Variants in PTPRT observed in about 807,000 individuals in gnomAD.
PTPRT encodes receptor-type tyrosine-protein phosphatase T.
In PTPRT, 56 loss-of-function variants were observed where a neutral mutation model predicts 176.8. The ratio of observed to expected loss-of-function variants is 0.32; its 90% CI spans 0.26 to 0.40. The LOEUF (loss-of-function observed/expected upper bound fraction) is 0.40. PTPRT is among the 10% of genes least tolerant of loss of function. The probability of loss-of-function intolerance (pLI) is 1.00; values close to 1 mark genes in which losing one functional copy is unlikely to be tolerated. For missense variants in PTPRT, 1,540 were observed against 1,908.2 expected (o/e 0.81, Z 3.60); for synonymous variants, 783 against 739.0 (o/e 1.06, Z -0.96).
chr20:42,331,146 C>G (rs112511343), intron 11 of PTPRT, among the ~76,000 whole-genome samples: 17 of 151,904 alleles, frequency 1.1e-4, no homozygotes, highest in African/African-American at 3.9e-4. Flanking sequence ...AAGCAACCCC[C>G]TTTATACTCC....
At chr20:42,481,682 C>T (rs79093846) in intron 7 of PTPRT, among the ~76,000 whole-genome samples, 3,543 of 151,398 alleles carry the variant, frequency 0.023, 49 homozygotes, top group Non-Finnish European at 0.036. Context: ...AAGCGGGTCT[C>T]GAAATCCTGG....
At chr20:42,045,642 CAAGTGGA>C in the PTPRT span, among the ~76,000 whole-genome samples, 1 of 140,456 alleles carries the variant, frequency 7.1e-6, no homozygotes, top group Non-Finnish European at 1.6e-5. Flanking sequence ...AGTGCCTGTA[CAAGTGGA>C]AAGTCCTTTT....
chr20:42,420,772 C>A (rs2059111195), intron 9 of PTPRT, among the ~76,000 whole-genome samples: 1 of 152,208 alleles, frequency 6.6e-6, no homozygotes, highest in Non-Finnish European at 1.5e-5. Flanking sequence ...CCCCTACCAA[C>A]ATGGGTCTAG....
intron 27 of PTPRT, among the ~76,000 whole-genome samples, chr20:42,096,131 C>T (rs1041164709): frequency 1.3e-5 from 2 of 152,200 alleles, no homozygotes; most frequent in Non-Finnish European, 2.9e-5. Context: ...CTCTCACCTC[C>T]TGGCCACTTC....
At chr20:42,438,390 G>A (rs1317648164) in intron 9 of PTPRT, among the ~76,000 whole-genome samples, 3 of 152,154 alleles carry the variant, frequency 2.0e-5, no homozygotes, top group East Asian at 3.8e-4. Flanking sequence ...CTCCCCTGGT[G>A]TTACCATGGC....
chr20:42,929,322 C>A (rs1057251326), intron 1 of PTPRT, among the ~76,000 whole-genome samples: 1 of 152,106 alleles, frequency 6.6e-6, no homozygotes, highest in African/African-American at 2.4e-5. Context: ...CCAAAGAGCC[C>A]GAAGTGTGGA....
Position 42,248,740 on chromosome 20 carries a change from G to A in PTPRT, c.2259C>T (p.Gly753=). The change falls in exon 14 of 31, where the codon GGC becomes GGT. Residue 753 remains glycine, a synonymous_variant. Transcript: ENST00000373187. The part of the protein sequence containing the change: ...NTVKMAGVIA[G]LLMFIIILLG... ...GGAGAATGATGATGAACATGAGGAG[G>A]CCAGCGATCACGCCAGCCATCTTCA... The A allele has an allele frequency of 6.2e-7, 1 of 1,614,070 alleles. No homozygotes were observed. The highest frequency in any genetic ancestry group is 8.5e-7 in the Non-Finnish European group (1 of 1,179,980).
the PTPRT span, among the ~76,000 whole-genome samples, chr20:42,044,966 C>A: frequency 2.8e-4 from 43 of 152,304 alleles, 1 homozygote; most frequent in Admixed American, 1.2e-3. Context: ...CCCCTTCTGC[C>A]TTCAAAGCTA....
intron 8 of PTPRT, among the ~76,000 whole-genome samples, chr20:42,452,000 G>A (rs1281285127): frequency 1.3e-5 from 2 of 152,194 alleles, no homozygotes; most frequent in African/African-American, 4.8e-5. Flanking sequence ...GCTGGGCTTG[G>A]TGGCCCACGC....
intron 17 of PTPRT, among the ~76,000 whole-genome samples, chr20:42,146,161 A>G (rs1354028561): frequency 6.6e-6 from 1 of 152,042 alleles, no homozygotes; most frequent in African/African-American, 2.4e-5. Flanking sequence ...CCAGCCAGGT[A>G]ACTCCATCTC....
At chr20:42,599,856 A>G (rs921201107) in intron 7 of PTPRT, among the ~76,000 whole-genome samples, 1 of 152,178 alleles carries the variant, frequency 6.6e-6, no homozygotes, top group Admixed American at 6.5e-5. Context: ...CCCCTTGCAC[A>G]GCTCAGGTTC....
At chr20:42,040,062 C>A in the PTPRT span, among the ~76,000 whole-genome samples, 2 of 152,106 alleles carry the variant, frequency 1.3e-5, no homozygotes, top group Non-Finnish European at 2.9e-5. Flanking sequence ...CAACAGTGTG[C>A]AAAAGTTCCC....
intron 1 of PTPRT, among the ~76,000 whole-genome samples, chr20:42,942,933 C>T (rs1980659897): frequency 6.6e-6 from 1 of 152,174 alleles, no homozygotes; most frequent in Non-Finnish European, 1.5e-5. Flanking sequence ...TAAAGAAAAG[C>T]TTACACTAAT....
At chr20:42,993,814 G>T (rs762472473) in intron 1 of PTPRT, among the ~76,000 whole-genome samples, 11 of 151,860 alleles carry the variant, frequency 7.2e-5, no homozygotes, top group Admixed American at 2.0e-4. Flanking sequence ...TTTCTGGTAG[G>T]ATTCAGTACC....
chr20:42,255,949 C>T (rs933198835), intron 13 of PTPRT, among the ~76,000 whole-genome samples: 1 of 152,182 alleles, frequency 6.6e-6, no homozygotes, highest in Non-Finnish European at 1.5e-5. Context: ...CCCAGTGTGG[C>T]TTATCAGAGG....
At chr20:42,804,147 T>G (rs944686877) in intron 2 of PTPRT, among the ~76,000 whole-genome samples, 1 of 152,032 alleles carries the variant, frequency 6.6e-6, no homozygotes, top group Non-Finnish European at 1.5e-5. Flanking sequence ...CCTGAACCCC[T>G]AGATTTTCTA....
At chr20:42,505,626 C>T (rs987124617) in intron 7 of PTPRT, among the ~76,000 whole-genome samples, 6 of 152,132 alleles carry the variant, frequency 3.9e-5, no homozygotes, top group Non-Finnish European at 5.9e-5. Flanking sequence ...TTTTAAATAG[C>T]CAGGTGACAA....
At chr20:42,037,413 A>G in the PTPRT span, among the ~76,000 whole-genome samples, 1 of 151,958 alleles carries the variant, frequency 6.6e-6, no homozygotes, top group African/African-American at 2.4e-5. Flanking sequence ...ACCCTATAAC[A>G]CTTTCACCTC....
rs181405327 is a variant in PTPRT at position 42,664,560 on chromosome 20, T to A, written c.1153+13306A>T. On this transcript the variant is annotated intron_variant, in intron 7 of 30. Transcript: ENST00000373187. ...ACATGGTAATATATGCAATAAATTC[T>A]ATTTTTTACAAAGTATCTTACCATG... 2.9e-4 allele frequency among the ~76,000 whole-genome samples: 44 copies of A among 152,356 alleles called. 1 individual carries two copies. Among genetic ancestry groups the A allele is most frequent in the Admixed American group, 2.5e-3 (39 of 15,302 alleles).
Sources: allele counts gnomAD v4.1 joint callset (sites outside exome capture counted in the v4.1 genomes callset), GRCh38; gene constraint gnomAD v4.1.1; transcripts MANE v1.5; gene names NCBI Gene and HGNC (gene_info 2026-07-23, HGNC 2026-07-21).